Variants in NKAIN3 observed in about 807,000 individuals in gnomAD.
NKAIN3 encodes sodium/potassium transporting ATPase interacting 3.
NKAIN3 carries 25 observed loss-of-function variants against 30.2 expected under a neutral mutation model. That is an observed-to-expected ratio of 0.83 (90% CI 0.60 to 1.16). The LOEUF (loss-of-function observed/expected upper bound fraction) is 1.16. NKAIN3 is among the 50% of genes most tolerant of loss of function. The pLI, the probability that NKAIN3 is intolerant of heterozygous loss-of-function variation, is 0.00. For missense variants in NKAIN3, 225 were observed against 254.1 expected (o/e 0.89, Z 0.78); for synonymous variants, 91 against 89.6 (o/e 1.02, Z -0.09).
intron 1 of NKAIN3, among the ~76,000 whole-genome samples, chr8:62,342,718 T>C (rs2351943): frequency 0.97 from 147,999 of 152,168 alleles, 72,013 homozygotes; most frequent in East Asian, 1. Flanking sequence ...CCCCAGCCAG[T>C]GTGGCACAGC....
intron 1 of NKAIN3, among the ~76,000 whole-genome samples, chr8:62,577,255 A>G (rs1381028951): frequency 2.0e-5 from 3 of 152,032 alleles, no homozygotes; most frequent in Non-Finnish European, 2.9e-5. Context: ...ATAAATAGAG[A>G]GAGTGCCTTG....
chr8:62,823,684 G>A (rs967488900), intron 4 of NKAIN3, among the ~76,000 whole-genome samples: 7 of 152,136 alleles, frequency 4.6e-5, no homozygotes, highest in African/African-American at 1.7e-4. Flanking sequence ...AAGTGTAGGA[G>A]TACCTTCCAC....
rs36075063 is a variant in NKAIN3 at position 62,278,382 on chromosome 8, G to GT, written c.54+29267dup. ...ACAGGACCCAGAGATCCTACTGCTG[G>GT]TTTTTTTTTTTTATACTTTAAGTTT... is the stretch of plus-strand genomic sequence containing the variant. On this transcript the variant is annotated intron_variant, in intron 1 of 6. Transcript: ENST00000623646. Among the ~76,000 whole-genome samples, 787 of 149,400 alleles carry GT rather than the reference G, an allele frequency of 5.3e-3. 11 individuals carry two copies. The highest frequency in any genetic ancestry group is 0.035 in the East Asian group (179 of 5,058).
At chr8:62,428,493 A>G (rs1804888385) in intron 1 of NKAIN3, among the ~76,000 whole-genome samples, 1 of 151,826 alleles carries the variant, frequency 6.6e-6, no homozygotes, top group Non-Finnish European at 1.5e-5. Flanking sequence ...CTTTCTCAGC[A>G]TCTTCACCAG....
chr8:62,596,286 T>A (rs1028072507), intron 3 of NKAIN3, among the ~76,000 whole-genome samples: 19 of 152,046 alleles, frequency 1.2e-4, no homozygotes, highest in African/African-American at 4.6e-4. Flanking sequence ...GATTACTCCA[T>A]ACTAGGGGTC....
At chr8:62,818,326 C>A (rs1351348) in intron 4 of NKAIN3, among the ~76,000 whole-genome samples, 134,812 of 152,150 alleles carry the variant, frequency 0.89, 59,868 homozygotes, top group African/African-American at 0.91. Context: ...GAAAAAGTTT[C>A]AAAACTAAGG....
chr8:62,299,980 G>A (rs1813987974), intron 1 of NKAIN3, among the ~76,000 whole-genome samples: 1 of 152,124 alleles, frequency 6.6e-6, no homozygotes, highest in Non-Finnish European at 1.5e-5. Flanking sequence ...TTGGAGAGTA[G>A]TAGTGTTGTA....
chr8:62,295,636 G>C (rs986474092), intron 1 of NKAIN3, among the ~76,000 whole-genome samples: 2 of 152,052 alleles, frequency 1.3e-5, no homozygotes, highest in Non-Finnish European at 2.9e-5. Context: ...TCCAATTCTT[G>C]CATATAAAAT....
rs546696364 is a variant in NKAIN3, at chr8:62,410,133, A to G, written c.54+161006A>G. Among the ~76,000 whole-genome samples the G allele has an allele frequency of 2.9e-3, 438 of 150,734 alleles. 1 individual carries two copies. The highest frequency in any genetic ancestry group is 4.7e-3 in the Non-Finnish European group (316 of 67,728). On this transcript the variant is annotated intron_variant, in intron 1 of 6. Coordinates refer to ENST00000623646, the MANE Select transcript of NKAIN3 (RefSeq NM_001304533.3). Reference sequence around the variant, plus strand: ...TCCCCCTCTGTAGTCTGCATTGTCTATTGTTTCCATGTTCATGTCCATGTG... The same window carrying G: ...TCCCCCTCTGTAGTCTGCATTGTCTGTTGTTTCCATGTTCATGTCCATGTG...
At chr8:62,294,387 A>G (rs1288606155) in intron 1 of NKAIN3, among the ~76,000 whole-genome samples, 1 of 152,158 alleles carries the variant, frequency 6.6e-6, no homozygotes, top group East Asian at 1.9e-4. Context: ...GAAAATATGT[A>G]TTGACATGAA....
intron 3 of NKAIN3, among the ~76,000 whole-genome samples, chr8:62,629,535 A>G (rs566365602): frequency 3.9e-5 from 6 of 152,168 alleles, no homozygotes; most frequent in African/African-American, 1.4e-4. Context: ...ATTAAATGAG[A>G]TGATGCTAGT....
At chr8:62,924,614 T>G in intron 5 of NKAIN3, among the ~76,000 whole-genome samples, 1 of 152,224 alleles carries the variant, frequency 6.6e-6, no homozygotes, top group East Asian at 1.9e-4. Context: ...TTGGGCATAT[T>G]CCTTGTATTC....
chr8:62,637,131 A>C (rs1000505719), intron 3 of NKAIN3, among the ~76,000 whole-genome samples: 3 of 152,248 alleles, frequency 2.0e-5, no homozygotes, highest in African/African-American at 7.2e-5. Context: ...AACAGCAGAC[A>C]TAACTAGGTA....
intron 4 of NKAIN3, among the ~76,000 whole-genome samples, chr8:62,782,118 A>G (rs1305920262): frequency 6.6e-6 from 1 of 152,028 alleles, no homozygotes; most frequent in Non-Finnish European, 1.5e-5. Flanking sequence ...AAAGACATGA[A>G]TAGACATTTC....
intron 3 of NKAIN3, among the ~76,000 whole-genome samples, chr8:62,595,128 G>A (rs1412450918): frequency 6.6e-6 from 1 of 151,588 alleles, no homozygotes; most frequent in African/African-American, 2.4e-5. Context: ...TTTAAAAATT[G>A]GACTTAATGA....
At chr8:62,661,569 C>T (rs765978396) in intron 3 of NKAIN3, among the ~76,000 whole-genome samples, 7 of 152,182 alleles carry the variant, frequency 4.6e-5, no homozygotes, top group East Asian at 1.9e-4. Flanking sequence ...AGTAGTCTGT[C>T]GGTGTAGAGT....
At chr8:62,298,573 C>CT (rs1245638488) in intron 1 of NKAIN3, among the ~76,000 whole-genome samples, 4 of 152,178 alleles carry the variant, frequency 2.6e-5, no homozygotes, top group African/African-American at 7.2e-5. Flanking sequence ...CCACACTGGC[C>CT]TTTTTTTCTG....
chr8:62,387,679 C>T (rs1029737537), intron 1 of NKAIN3, among the ~76,000 whole-genome samples: 1 of 152,174 alleles, frequency 6.6e-6, no homozygotes. Flanking sequence ...CAAGTTGGTA[C>T]ATATTTTGGT....
intron 3 of NKAIN3, among the ~76,000 whole-genome samples, chr8:62,713,368 A>G (rs1814787013): frequency 6.6e-6 from 1 of 152,250 alleles, no homozygotes; most frequent in Admixed American, 6.5e-5. Flanking sequence ...CAGCATTTGC[A>G]CATGCTACAG....
Sources: allele counts gnomAD v4.1 joint callset (sites outside exome capture counted in the v4.1 genomes callset), GRCh38; gene constraint gnomAD v4.1.1; transcripts MANE v1.5; gene names NCBI Gene and HGNC (gene_info 2026-07-23, HGNC 2026-07-21).